The following FOXP2 variants were observed in gnomAD, a reference collection of about 807,000 sequenced individuals.
FOXP2 encodes the protein forkhead box protein P2.
A neutral mutation model predicts 115.8 loss-of-function variants in FOXP2; 12 were observed. That is an observed-to-expected ratio of 0.10 (90% CI 0.07 to 0.17). FOXP2 has a LOEUF of 0.17. FOXP2 is among the 10% of genes least tolerant of loss of function. The probability of loss-of-function intolerance (pLI) is 1.00; values close to 1 mark genes in which losing one functional copy is unlikely to be tolerated. For missense variants in FOXP2, 629 were observed against 843.5 expected, an observed-to-expected ratio of 0.75 and a Z score of 3.15; for synonymous variants, 328 against 297.7, an observed-to-expected ratio of 1.10 and a Z score of -1.05.
chr7:114,398,353 A>G (rs534216222), intron 2 of FOXP2, among the ~76,000 whole-genome samples: 6 of 152,274 alleles, frequency 3.9e-5, no homozygotes, highest in East Asian at 1.9e-4. Context: ...AGGAATCACA[A>G]AGAGACATGG....
intron 2 of FOXP2, among the ~76,000 whole-genome samples, chr7:114,344,628 G>C (rs560489372): frequency 8.6e-5 from 13 of 151,958 alleles, no homozygotes; most frequent in African/African-American, 2.9e-4. Context: ...ATTGACCGTA[G>C]ACATATTTTC....
At chr7:114,207,760 G>GT (rs1348934813) in intron 1 of FOXP2, among the ~76,000 whole-genome samples, 1 of 152,174 alleles carries the variant, frequency 6.6e-6, no homozygotes, top group Non-Finnish European at 1.5e-5. Flanking sequence ...AAACTAAACA[G>GT]TTTTTTGAAT....
intron 2 of FOXP2, among the ~76,000 whole-genome samples, chr7:114,493,838 T>TTTA (rs1797184559): frequency 6.7e-6 from 1 of 149,368 alleles, no homozygotes; most frequent in African/African-American, 2.4e-5. Flanking sequence ...AATGTGGCCT[T>TTTA]TTTTTTTTTT....
chr7:114,135,484 T>C (rs879689906), intron 1 of FOXP2, among the ~76,000 whole-genome samples: 1 of 152,178 alleles, frequency 6.6e-6, no homozygotes, highest in African/African-American at 2.4e-5. Context: ...ATATATTCAC[T>C]TTCTGCTCAG....
intron 1 of FOXP2, among the ~76,000 whole-genome samples, chr7:114,125,018 A>T (rs1343183995): frequency 6.6e-6 from 1 of 152,136 alleles, no homozygotes; most frequent in East Asian, 1.9e-4. Context: ...CAAAAGCAGA[A>T]CTCAAACCCA....
At chr7:114,247,533 A>G (rs1795317426) in intron 1 of FOXP2, among the ~76,000 whole-genome samples, 1 of 152,066 alleles carries the variant, frequency 6.6e-6, no homozygotes, top group Non-Finnish European at 1.5e-5. Context: ...TTAGTGAATC[A>G]CAATTTCTAT....
At chr7:114,398,481 A>T (rs1407889739) in intron 2 of FOXP2, among the ~76,000 whole-genome samples, 1 of 152,228 alleles carries the variant, frequency 6.6e-6, no homozygotes, top group African/African-American at 2.4e-5. Context: ...ACATACAAAA[A>T]TATAAAAATG....
Position 114,348,215 on chromosome 7 carries a change from A to G in FOXP2, c.-11+60106A>G, listed in dbSNP as rs1791394114. On this transcript the variant is annotated intron_variant, in intron 2 of 17. Coordinates refer to the FOXP2 transcript ENST00000634411. ...AATACATTTAAAAATGATTAATAAT[A>G]GATTAGATCTTAATAATTAGATCCC... 2.0e-5 allele frequency among the ~76,000 whole-genome samples: 3 copies of G among 152,094 alleles called. No homozygotes were observed. The South Asian group carries it at 6.2e-4, about 31-fold the overall frequency.
At chr7:114,635,910 T>C (rs569294553) in intron 6 of FOXP2, among the ~76,000 whole-genome samples, 1 of 152,206 alleles carries the variant, frequency 6.6e-6, no homozygotes, top group African/African-American at 2.4e-5. Context: ...ATAGTACTAA[T>C]TTTTGTTAAT....
chr7:114,261,870 A>C (rs1562842671), intron 1 of FOXP2, among the ~76,000 whole-genome samples: 1 of 150,820 alleles, frequency 6.6e-6, no homozygotes. Context: ...ACTAGCCTGG[A>C]CAACATGGTG....
chr7:114,507,794 A>G (rs954734401), intron 2 of FOXP2, among the ~76,000 whole-genome samples: 1 of 152,026 alleles, frequency 6.6e-6, no homozygotes, highest in African/African-American at 2.4e-5. Flanking sequence ...TATGTTCCAT[A>G]GATACCCCTA....
chr7:114,626,982 T>A (rs11771957), intron 3 of FOXP2, among the ~76,000 whole-genome samples: 19,756 of 151,828 alleles, frequency 0.13, 1,556 homozygotes, highest in African/African-American at 0.21. Flanking sequence ...TGAATTTCTG[T>A]CATAATGTTT....
chr7:114,370,846 C>T (rs1791986602), intron 2 of FOXP2, among the ~76,000 whole-genome samples: 4 of 152,070 alleles, frequency 2.6e-5, no homozygotes, highest in Admixed American at 2.6e-4. Context: ...GAACAGGTTT[C>T]TCAGTCAAAG....
chr7:114,693,703 C>A lies in FOXP2; in HGVS notation c.*3777C>A, dbSNP rs538107334. The A allele has an allele frequency of 1.7e-5, 6 of 343,420 alleles. No homozygotes were observed. Among genetic ancestry groups the A allele is most frequent in the African/African-American group, 1.1e-4 (5 of 46,246 alleles). The allele number at this position is 343,420 out of a possible 1,614,324, so 21.3% of individuals were successfully genotyped here. A position where few individuals can be genotyped will look rare whatever the true frequency, so the allele number is the denominator to read the frequency against. On this transcript the variant is annotated 3_prime_UTR_variant, in exon 17 of 17. Coordinates refer to ENST00000350908, the MANE Select transcript of FOXP2 (RefSeq NM_014491.4). ...TTGGATGTAAAAATGTATATGAAAC[C>A]ATTTCATTCACTTGATTACATTTCT...
At chr7:114,606,607 A>G (rs1200950398) in intron 3 of FOXP2, among the ~76,000 whole-genome samples, 1 of 152,110 alleles carries the variant, frequency 6.6e-6, no homozygotes, top group Non-Finnish European at 1.5e-5. Context: ...TTCTTTCTTT[A>G]TGCATAATGT....
At chr7:114,329,048 A>G (rs1797630199) in intron 2 of FOXP2, among the ~76,000 whole-genome samples, 1 of 152,234 alleles carries the variant, frequency 6.6e-6, no homozygotes. Flanking sequence ...ACAGACTTCA[A>G]TTTGATTTAA....
At chr7:114,366,387 A>G (rs1401551190) in intron 2 of FOXP2, 1 of 152,196 alleles carries the variant, frequency 6.6e-6, no homozygotes, top group Non-Finnish European at 1.5e-5. Context: ...TTAATGCACT[A>G]AAAAGGCACA....
At chr7:114,158,362 A>G (rs908018841), upstream of FOXP2, among the ~76,000 whole-genome samples, 1 of 148,998 alleles carries the variant, frequency 6.7e-6, no homozygotes, top group Admixed American at 6.7e-5. Flanking sequence ...GTTGGTATTT[A>G]TTTTTTTTTT....
chr7:114,509,670 T>TG (rs377552024), intron 2 of FOXP2, among the ~76,000 whole-genome samples: 57,597 of 138,548 alleles, frequency 0.42, 11,428 homozygotes, highest in Middle Eastern at 0.44. Flanking sequence ...TTTTCTTTGG[T>TG]GGGGGGGGGG....
Sources: gnomAD v4.1 joint callset for allele counts (sites outside exome capture counted in the v4.1 genomes callset) on GRCh38, gnomAD v4.1.1 for gene constraint, MANE v1.5 for transcripts, NCBI Gene and HGNC (gene_info 2026-07-23, HGNC 2026-07-21) for gene names.